Variants in CD8A observed in about 807,000 individuals in gnomAD.
The protein encoded by CD8A is T-cell surface glycoprotein CD8 alpha chain.
A neutral mutation model predicts 24.2 loss-of-function variants in CD8A; 25 were observed. The observed-to-expected ratio is 1.03, with a 90% CI of 0.75 to 1.44. CD8A has a LOEUF of 1.44. Ranked by LOEUF, CD8A falls within the 40% of genes most tolerant of loss-of-function variation. CD8A has a pLI of 0.00. For missense variants in CD8A, 360 were observed against 319.7 expected (o/e 1.13, Z -0.96); for synonymous variants, 165 against 149.9 (o/e 1.10, Z -0.74).
intron 5 of CD8A, among the ~76,000 whole-genome samples, chr2:86,786,824 T>C (rs1249692867): frequency 6.6e-6 from 1 of 151,548 alleles, no homozygotes; most frequent in Non-Finnish European, 1.5e-5. Context: ...ATCGAGACCA[T>C]CCTGGCTAAC....
intron 5 of CD8A, among the ~76,000 whole-genome samples, chr2:86,787,016 T>C (rs1310856378): frequency 2.1e-4 from 1 of 4,686 alleles, no homozygotes; most frequent in East Asian, 8.1e-3. Flanking sequence ...CGAGACTCCG[T>C]CTCAAAAAAA....
At chr2:86,792,051 TA>T (rs36226882), upstream of CD8A, among the ~76,000 whole-genome samples, 123 of 152,162 alleles carry the variant, frequency 8.1e-4, 2 homozygotes, top group South Asian at 0.024. Context: ...TAAAATAAAA[TA>T]AAAAAGACTG....
intron 3 of CD8A, among the ~76,000 whole-genome samples, chr2:86,797,778 G>A (rs116294406): frequency 0.013 from 1,924 of 152,102 alleles, 34 homozygotes; most frequent in African/African-American, 0.035. Context: ...GCATTTTGTC[G>A]CATTTCCTTC....
At chr2:86,794,817 G>C (rs991690375), upstream of CD8A, among the ~76,000 whole-genome samples, 13 of 152,074 alleles carry the variant, frequency 8.5e-5, no homozygotes, top group African/African-American at 3.1e-4. Flanking sequence ...CTGTCCTCTT[G>C]TCTGTCACCT....
At chr2:86,802,258 A>C (rs537277669) in intron 2 of CD8A, among the ~76,000 whole-genome samples, 3 of 152,092 alleles carry the variant, frequency 2.0e-5, no homozygotes, top group Non-Finnish European at 4.4e-5. Context: ...GGCTGGTCTC[A>C]AACTCCTGAA....
intron 2 of CD8A, 94 bp from the exon 3 acceptor site, chr2:86,789,844 C>G: frequency 1.4e-6 from 1 of 711,798 alleles, no homozygotes; most frequent in Non-Finnish European, 2.0e-6. Context: ...GGGGACGCCT[C>G]CCCCCGGTTT....
At chr2:86,789,058 T>C (rs1353724015) in intron 4 of CD8A, among the ~76,000 whole-genome samples, 1 of 152,146 alleles carries the variant, frequency 6.6e-6, no homozygotes, top group Admixed American at 6.5e-5. Context: ...GCGCGCGCGC[T>C]GCGGGCTTCG....
At chr2:86,801,349 CCTTT>C (rs1371136954) in intron 3 of CD8A, among the ~76,000 whole-genome samples, 4 of 151,214 alleles carry the variant, frequency 2.6e-5, no homozygotes, top group Non-Finnish European at 5.9e-5. Context: ...TCCCTTTCTC[CCTTT>C]CTCTCTCTCT....
intron 3 of CD8A, among the ~76,000 whole-genome samples, chr2:86,796,221 A>T (rs1573466580): frequency 6.6e-6 from 1 of 152,190 alleles, no homozygotes; most frequent in Admixed American, 6.5e-5. Context: ...AGCTGTTGAG[A>T]TGTATATTAG....
At chr2:86,803,512 GA>G (rs370996290) in intron 2 of CD8A, among the ~76,000 whole-genome samples, 1,735 of 152,132 alleles carry the variant, frequency 0.011, 37 homozygotes, top group African/African-American at 0.039. Context: ...GCCAGACACA[GA>G]AAAAAAATAT....
At chr2:86,790,038 C>T (rs1673209197) in intron 2 of CD8A, among the ~76,000 whole-genome samples, 2 of 152,328 alleles carry the variant, frequency 1.3e-5, no homozygotes, top group South Asian at 4.1e-4. Context: ...GGGTTGATTG[C>T]TGTCCGCATT....
intron 2 of CD8A, among the ~76,000 whole-genome samples, chr2:86,804,833 C>T (rs544021831): frequency 4.5e-5 from 6 of 133,242 alleles, no homozygotes; most frequent in South Asian, 2.5e-4. Context: ...GACAGAGTCT[C>T]GCTCTGTCAC....
chr2:86,788,555 G>C lies in CD8A; in HGVS notation c.631C>G (p.Arg211Gly). The change falls in exon 5 of 6, where the codon CGA (arginine) becomes GGA (glycine). Residue 211 changes from arginine (R) to glycine (G), a missense_variant. Coordinates refer to ENST00000283635, the MANE Select transcript of CD8A (RefSeq NM_001768.7). ...VITLYCNHRN[R>G]RRVCKCPRPV... ...CGGGGACATTTGCAAACACGTCTTC[G>C]GTTCCCTGGATAAGGAAAAAGAAGG... 6.2e-7 allele frequency: 1 copy of C among 1,613,084 alleles called. No individual in the cohort carries two copies. Among genetic ancestry groups the C allele is most frequent in the South Asian group, 1.1e-5 (1 of 90,864 alleles).
intron 3 of CD8A, among the ~76,000 whole-genome samples, chr2:86,797,475 T>C (rs1673519409): frequency 6.6e-6 from 1 of 151,790 alleles, no homozygotes; most frequent in Non-Finnish European, 1.5e-5. Flanking sequence ...CAGGTAGAGA[T>C]TGTAAGCTCA....
At chr2:86,804,178 T>C (rs1673766347) in intron 2 of CD8A, among the ~76,000 whole-genome samples, 1 of 152,218 alleles carries the variant, frequency 6.6e-6, no homozygotes, top group African/African-American at 2.4e-5. Flanking sequence ...ATATACCTTA[T>C]ATATACACAA....
At chr2:86,786,747 G>A (rs1250057052) in intron 5 of CD8A, among the ~76,000 whole-genome samples, 1 of 152,162 alleles carries the variant, frequency 6.6e-6, no homozygotes, top group Non-Finnish European at 1.5e-5. Flanking sequence ...CTGGCCGGGT[G>A]CGGTAGCTCA....
chr2:86,798,433 C>A (rs1033116795), intron 3 of CD8A, among the ~76,000 whole-genome samples: 2 of 152,178 alleles, frequency 1.3e-5, no homozygotes, highest in African/African-American at 4.8e-5. Flanking sequence ...CCTCAGCCTC[C>A]CAAAGTGCTG....
At chr2:86,788,624 T>C in intron 4 of CD8A, 64 bp from the exon 5 acceptor site, 1 of 1,456,592 alleles carries the variant, frequency 6.9e-7, no homozygotes, top group African/African-American at 1.4e-5. Context: ...CCAAAGACAG[T>C]GTATTTTTTG....
upstream of CD8A, chr2:86,791,217 A>C (rs1673296022): frequency 2.3e-6 from 1 of 430,694 alleles, no homozygotes; most frequent in Non-Finnish European, 4.4e-6. Context: ...GAGAGTAGGC[A>C]GCAAAGGAGG....
Sources: gnomAD v4.1 joint callset for allele counts (sites outside exome capture counted in the v4.1 genomes callset) on GRCh38, gnomAD v4.1.1 for gene constraint, MANE v1.5 for transcripts, NCBI Gene and HGNC (gene_info 2026-07-23, HGNC 2026-07-21) for gene names.